The following TRPV4 variants were observed in gnomAD, a reference collection of about 807,000 sequenced individuals.
TRPV4 encodes the protein OSM9-like transient receptor potential channel 4.
In TRPV4, 58 loss-of-function variants were observed where a neutral mutation model predicts 84.1. That is an observed-to-expected ratio of 0.69 (90% CI 0.56 to 0.86). The LOEUF (loss-of-function observed/expected upper bound fraction) is 0.86. TRPV4 is among the 40% of genes least tolerant of loss of function. The pLI, the probability that TRPV4 is intolerant of heterozygous loss-of-function variation, is 0.00. For missense variants in TRPV4, 879 were observed against 1,181.1 expected, an observed-to-expected ratio of 0.74 and a Z score of 3.75; for synonymous variants, 489 against 500.9, an observed-to-expected ratio of 0.98 and a Z score of 0.32.
intron 3 of TRPV4, 36 bp downstream of exon 3, chr12:109,808,260 G>A: frequency 1.2e-6 from 2 of 1,612,240 alleles, no homozygotes; most frequent in Non-Finnish European, 8.5e-7. Flanking sequence ...CACACCCCTG[G>A]CTGTCCCACT....
In TRPV4 at chr12:109,808,394, A is replaced by G; in HGVS notation, c.461T>C (p.Leu154Pro). ...PILKVFNRPILFDIVSRGSTA... is the reference protein window; with the variant it reads ...PILKVFNRPIPFDIVSRGSTA... ...GGAGCCCCGGGACACGATGTCAAAG[A>G]GGATAGGCCGGTTGAAGACTTTGAG... The change falls in exon 3 of 16, where the codon CTC (leucine) becomes CCC (proline). Residue 154 changes from leucine to proline, a missense_variant. Leu to Pro is a moderately conservative substitution (Grantham distance 98, BLOSUM62 -3). This residue lies in a region of TRPV4 where 521 missense variants were observed against 686.6 expected (regional missense o/e 0.76). Coordinates refer to ENST00000261740, the MANE Select transcript of TRPV4 (RefSeq NM_021625.5). The G allele has an allele frequency of 6.2e-7, 1 of 1,614,096 alleles. No homozygotes were observed. Among genetic ancestry groups the G allele is most frequent in the East Asian group, 2.2e-5 (1 of 44,870 alleles).
At chr12:109,795,019 A>G (rs1351298378) in intron 7 of TRPV4, among the ~76,000 whole-genome samples, 1 of 152,224 alleles carries the variant, frequency 6.6e-6, no homozygotes, top group African/African-American at 2.4e-5. Context: ...ACTCCATCTC[A>G]AAAAAGAAAA....
intron 2 of TRPV4, among the ~76,000 whole-genome samples, chr12:109,808,884 A>G (rs1163241887): frequency 1.0e-5 from 1 of 100,414 alleles, no homozygotes; most frequent in Non-Finnish European, 2.1e-5. Flanking sequence ...TATCCATCCA[A>G]CCATCACTCA....
At chr12:109,826,819 G>A (rs1892263997) in intron 1 of TRPV4, among the ~76,000 whole-genome samples, 2 of 152,286 alleles carry the variant, frequency 1.3e-5, no homozygotes, top group African/African-American at 4.8e-5. Context: ...CCTGTAAAAG[G>A]GAGCTCATCA....
intron 1 of TRPV4, among the ~76,000 whole-genome samples, chr12:109,817,963 C>T (rs572509393): frequency 1.6e-4 from 24 of 152,108 alleles, no homozygotes; most frequent in Non-Finnish European, 3.4e-4. Context: ...TCAATAGCGT[C>T]GAGACTGAGA....
intron 3 of TRPV4, among the ~76,000 whole-genome samples, chr12:109,805,146 C>G (rs557052353): frequency 6.6e-6 from 1 of 152,366 alleles, no homozygotes; most frequent in Admixed American, 6.5e-5. Context: ...GTCCAGGAGC[C>G]TGTGGGCACC....
chr12:109,812,183 T>C (rs1244159768), intron 2 of TRPV4, among the ~76,000 whole-genome samples: 2 of 152,134 alleles, frequency 1.3e-5, no homozygotes, highest in East Asian at 3.8e-4. Flanking sequence ...ACAAACCACA[T>C]GCAGATGCCA....
At chr12:109,785,655 G>A (rs1889641105) in intron 14 of TRPV4, among the ~76,000 whole-genome samples, 1 of 151,770 alleles carries the variant, frequency 6.6e-6, no homozygotes, top group Admixed American at 6.6e-5. Context: ...CTGACCTCAG[G>A]TGATCCACCC....
chr12:109,807,181 C>T (rs1891196456), intron 3 of TRPV4, among the ~76,000 whole-genome samples: 1 of 150,506 alleles, frequency 6.6e-6, no homozygotes, highest in African/African-American at 2.4e-5. Context: ...GAGGCTGAGG[C>T]AGGAGAATCA....
At chr12:109,819,410 C>T (rs1245443346) in intron 1 of TRPV4, among the ~76,000 whole-genome samples, 1 of 152,184 alleles carries the variant, frequency 6.6e-6, no homozygotes, top group African/African-American at 2.4e-5. Context: ...CGTTCCCGCA[C>T]GGGCTCACAA....
At position 109,793,409 on chromosome 12, in the gene TRPV4, G is replaced by T. The variant is rs1890163888; in HGVS notation, c.1658+118C>A. 1.1e-6 allele frequency: 1 copy of T among 899,010 alleles called. No individual in the cohort carries two copies. Among genetic ancestry groups the T allele is most frequent in the African/African-American group, 1.6e-5 (1 of 61,284 alleles). 55.7% of individuals were successfully genotyped at this position (899,010 alleles called of 1,614,324 possible). A position where few individuals can be genotyped will look rare whatever the true frequency, so the allele number is the denominator to read the frequency against. ...TTTGTCCTGACTTTGGGTTAGAGCT[G>T]CCCAGGTTGGGTGCATTCATTTCTA... is the stretch of plus-strand genomic sequence containing the variant. On this transcript the variant is annotated intron_variant, in intron 10 of 15. Transcript: ENST00000261740. The surrounding 1 kb of genome is among the most constrained non-coding windows in gnomAD (Gnocchi z 4.0).
At chr12:109,807,602 T>C (rs1345649645) in intron 3 of TRPV4, among the ~76,000 whole-genome samples, 1 of 152,136 alleles carries the variant, frequency 6.6e-6, no homozygotes, top group Non-Finnish European at 1.5e-5. Context: ...GCCAGTTTAA[T>C]AATGGCTTAC....
In TRPV4 at chr12:109,796,856, T is replaced by C. The variant is rs1205225123; in HGVS notation, c.1153-152A>G. 6 of 812,668 alleles carry C rather than the reference T, an allele frequency of 7.4e-6. No homozygotes were observed. Among genetic ancestry groups the C allele is most frequent in the Non-Finnish European group, 1.1e-5 (6 of 543,430 alleles). The allele number at this position is 812,668 out of a possible 1,614,324, so 50.3% of individuals were successfully genotyped here. A position where few individuals can be genotyped will look rare whatever the true frequency, so the allele number is the denominator to read the frequency against. On this transcript the variant is annotated intron_variant, in intron 6 of 15. Coordinates refer to ENST00000261740, the MANE Select transcript of TRPV4 (RefSeq NM_021625.5). This position sits in a 1 kb window ranked among gnomAD's most constrained non-coding sequence, Gnocchi z 4.2. Reference sequence around the variant, plus strand: ...TCTTGTTTAATTCTTGCTCTTATTATCTTGGTTTACAGATAAAGAATGGAG... The same window carrying C: ...TCTTGTTTAATTCTTGCTCTTATTACCTTGGTTTACAGATAAAGAATGGAG...
chr12:109,808,618 A>G, intron 2 of TRPV4, 150 bp from the exon 3 acceptor site: 1 of 706,578 alleles, frequency 1.4e-6, no homozygotes, highest in East Asian at 2.7e-5. Flanking sequence ...AGATGTAAAA[A>G]CTAAGTAATG....
intron 2 of TRPV4, among the ~76,000 whole-genome samples, chr12:109,811,874 AGAG>A (rs1347163514): frequency 2.0e-5 from 3 of 151,914 alleles, no homozygotes; most frequent in Non-Finnish European, 4.4e-5. Context: ...CAGGCCACCG[AGAG>A]GAGATTTCAT....
chr12:109,805,809 C>T (rs1317378527), intron 3 of TRPV4, among the ~76,000 whole-genome samples: 2 of 152,214 alleles, frequency 1.3e-5, no homozygotes, highest in East Asian at 1.9e-4. Flanking sequence ...GAGTCCCCCA[C>T]CCACACTCAT....
Position 109,793,435 on chromosome 12 carries a change from A to G in TRPV4, c.1658+92T>C. On this transcript the variant is annotated intron_variant, in intron 10 of 15. Transcript: ENST00000261740. The surrounding 1 kb of genome is among the most constrained non-coding windows in gnomAD (Gnocchi z 4.0). ...CCCAGGTTGGGTGCATTCATTTCTA[A>G]CAGAATCACCTCTCTCCTGAATCTG... 1 of 1,153,772 alleles carries G rather than the reference A, an allele frequency of 8.7e-7. No individual in the cohort carries two copies. The highest frequency in any genetic ancestry group is 1.3e-6 in the Non-Finnish European group (1 of 762,952). The allele number at this position is 1,153,772 out of a possible 1,614,324, so 71.5% of individuals were successfully genotyped here.
chr12:109,819,799 T>C (rs574087104), intron 1 of TRPV4, among the ~76,000 whole-genome samples: 1 of 152,170 alleles, frequency 6.6e-6, no homozygotes, highest in African/African-American at 2.4e-5. Context: ...TGACCTCAAA[T>C]GATCTACCCG....
In TRPV4 at chr12:109,800,622, G is replaced by A. The variant is rs769834104; in HGVS notation, c.849C>T (p.Tyr283=). 5.0e-6 allele frequency: 8 copies of A among 1,614,076 alleles called. No homozygotes were observed. The South Asian group carries it at 5.5e-5, about 11-fold the overall frequency. The change falls in exon 5 of 16, where the codon TAC becomes TAT. Residue 283 remains tyrosine, a synonymous_variant. Coordinates refer to ENST00000261740, the MANE Select transcript of TRPV4 (RefSeq NM_021625.5). Reference sequence around the variant, plus strand: ...CCCCACCAGGCCCCTCCTTACCAAAGTAGAAGTAGCCCCCCTCATCCTTGG... The same window carrying A: ...CCCCACCAGGCCCCTCCTTACCAAAATAGAAGTAGCCCCCCTCATCCTTGG... ...FQPKDEGGYF[Y]FGELPLSLAA...
Sources: allele counts gnomAD v4.1 joint callset (sites outside exome capture counted in the v4.1 genomes callset), GRCh38; gene constraint gnomAD v4.1.1; regional missense constraint gnomAD v4.1.1; non-coding constraint Gnocchi (gnomAD v3.1); transcripts MANE v1.5; gene names NCBI Gene and HGNC (gene_info 2026-07-23, HGNC 2026-07-21).